Variants in ATMIN observed in about 807,000 individuals in gnomAD.
ATMIN encodes the protein ATM interactor.
In ATMIN, 24 loss-of-function variants were observed where a neutral mutation model predicts 49.2. The observed-to-expected ratio is 0.49, with a 90% CI of 0.35 to 0.69. The LOEUF (loss-of-function observed/expected upper bound fraction) is 0.69, where lower values mean the gene tolerates loss of function less well. ATMIN is among the 30% of genes least tolerant of loss of function. ATMIN has a pLI of 0.00. For missense variants in ATMIN, 1,037 were observed against 1,005.5 expected (o/e 1.03, Z -0.42); for synonymous variants, 450 against 392.5 (o/e 1.15, Z -1.73).
intron 1 of ATMIN, among the ~76,000 whole-genome samples, chr16:81,039,372 G>T (rs1971001707): frequency 6.6e-6 from 1 of 152,012 alleles, no homozygotes; most frequent in Non-Finnish European, 1.5e-5. Context: ...AGTTGCTGTT[G>T]GTTCTTATTT....
Position 81,037,266 on chromosome 16 carries a change from A to G in ATMIN, c.336+1060A>G, listed in dbSNP as rs556691376. On this transcript the variant is annotated intron_variant, in intron 1 of 3. Coordinates refer to ENST00000299575, the MANE Select transcript of ATMIN (RefSeq NM_015251.3). Reference sequence around the variant, plus strand: ...TATGTAGCTTTTGATGATCAGGAGTAAATTTAGAGTACCCAGAATATTGCA... The same window carrying G: ...TATGTAGCTTTTGATGATCAGGAGTGAATTTAGAGTACCCAGAATATTGCA... 6.3e-5 allele frequency: 62 copies of G among 985,490 alleles called. No individual in the cohort carries two copies. The African/African-American group carries it at 1.0e-3, about 16-fold the overall frequency. The allele number at this position is 985,490 out of a possible 1,614,324, so 61.0% of individuals were successfully genotyped here.
Position 81,041,454 on chromosome 16 carries a change from G to T in ATMIN, c.435G>T (p.Pro145=). 1 of 1,608,790 alleles carries T rather than the reference G, an allele frequency of 6.2e-7. No individual in the cohort carries two copies. The highest frequency in any genetic ancestry group is 8.5e-7 in the Non-Finnish European group (1 of 1,178,858). Residue 145 remains proline, a synonymous_variant, in exon 2 of 4, where the codon CCG becomes CCT. Transcript: ENST00000299575. ...IEGCPRGPER[P]FSQFSLVKQH... ...GCTGCCCCAGAGGCCCTGAGAGACCGTTTTCTCAGTTTTCTCTCGTAAAAC... is the reference window on the plus strand; with the variant it reads ...GCTGCCCCAGAGGCCCTGAGAGACCTTTTTCTCAGTTTTCTCTCGTAAAAC...
At chr16:81,037,047 T>G in intron 1 of ATMIN, 1 of 379,404 alleles carries the variant, frequency 2.6e-6, no homozygotes, top group Non-Finnish European at 3.6e-6. Context: ...CTCCACGTTA[T>G]GCAAAACAGG....
chr16:81,044,105 G>A lies in ATMIN; in HGVS notation c.1607G>A (p.Ser536Asn). ...GCTACAGGTAACATTATAAGCAACA[G>A]TTTAGTAGCAGAGACAGTAACTCAT... Reference protein sequence around the residue: ...NVATGNIISNSLVAETVTHSL... With the variant: ...NVATGNIISNNLVAETVTHSL... Residue 536 changes from serine (S) to asparagine (N), a missense_variant, in exon 4 of 4, where the codon AGT becomes AAT. By Grantham distance (46) the Ser-to-Asn change is conservative. Coordinates refer to ENST00000299575, the MANE Select transcript of ATMIN (RefSeq NM_015251.3). The A allele has an allele frequency of 6.2e-7, 1 of 1,614,160 alleles. No homozygotes were observed. The highest frequency in any genetic ancestry group is 1.1e-5 in the South Asian group (1 of 91,086).
intron 2 of ATMIN, chr16:81,041,839 C>T (rs1255668757): frequency 4.7e-6 from 1 of 210,844 alleles, no homozygotes; most frequent in African/African-American, 2.3e-5. Context: ...CCTGCAGAAT[C>T]CAGGAAAAGA....
At chr16:81,036,265 G>A (rs1970929959) in intron 1 of ATMIN, 59 bp downstream of exon 1, 2 of 1,171,538 alleles carry the variant, frequency 1.7e-6, no homozygotes, top group Non-Finnish European at 2.1e-6. Context: ...AAAGCGCCCG[G>A]CGCCGGCGCG....
rs1277629716 is a variant in ATMIN, at chr16:81,035,884, A to AGGAGGC, written c.16_17insAGGCGG (p.Glu5_Ala6insGluAla). 1 of 941,310 alleles carries AGGAGGC rather than the reference A, an allele frequency of 1.1e-6. No individual in the cohort carries two copies. Among genetic ancestry groups the AGGAGGC allele is most frequent in the African/African-American group, 1.8e-5 (1 of 55,338 alleles). The allele number at this position is 941,310 out of a possible 1,614,324, so 58.3% of individuals were successfully genotyped here. Reference sequence around the variant, plus strand: ...CGTGCGGGAGCCATGGCGGCCTCGGAGGCGGCGGCGGCGGCGGGGTCCGCG... The same window carrying AGGAGGC: ...CGTGCGGGAGCCATGGCGGCCTCGGAGGAGGCGGCGGCGGCGGCGGCGGGGTCCGCG... On this transcript the variant is annotated inframe_insertion, in exon 1 of 4. Transcript: ENST00000299575.
Position 81,043,693 on chromosome 16 carries a change from C to G in ATMIN, c.1195C>G (p.Leu399Val). 1.2e-6 allele frequency: 2 copies of G among 1,614,212 alleles called. No individual in the cohort carries two copies. The highest frequency in any genetic ancestry group is 1.7e-6 in the Non-Finnish European group (2 of 1,180,032). The change falls in exon 4 of 4, where the codon CTA becomes GTA. Residue 399 changes from leucine to valine, a missense_variant. By Grantham distance (32) the Leu-to-Val change is conservative (BLOSUM62 1). Coordinates refer to ENST00000299575, the MANE Select transcript of ATMIN (RefSeq NM_015251.3). ...GKSPSNPLQE[L>V]GNTCQKNSIS... The stretch of plus-strand genomic sequence containing the variant: ...AAGTCCATCTAATCCTTTACAAGAA[C>G]TAGGGAACACGTGTCAAAAGAATAG...
intron 1 of ATMIN, 25 bp downstream of exon 1, chr16:81,036,231 C>G (rs111646967): frequency 2.2e-6 from 3 of 1,354,952 alleles, no homozygotes; most frequent in Admixed American, 2.7e-5. Flanking sequence ...GCCGGCGGCC[C>G]GGGGGGCCGG....
At position 81,045,210 on chromosome 16, in the gene ATMIN, C is replaced by G. The variant is rs1356835679; in HGVS notation, c.*240C>G. 13 of 483,878 alleles carry G rather than the reference C, an allele frequency of 2.7e-5. No homozygotes were observed. The highest frequency in any genetic ancestry group is 4.2e-5 in the Non-Finnish European group (12 of 287,854). The allele number at this position is 483,878 out of a possible 1,614,324, so 30.0% of individuals were successfully genotyped here. A position where few individuals can be genotyped will look rare whatever the true frequency, so the allele number is the denominator to read the frequency against. On this transcript the variant is annotated 3_prime_UTR_variant, in exon 4 of 4. Transcript: ENST00000299575. ...TGTGTTGCCTACATTTGCCTTTTCA[C>G]AGCTAGTCTTTTCATGTTAAAAAAA... is the stretch of plus-strand genomic sequence containing the variant.
At position 81,043,337 on chromosome 16, in the gene ATMIN, A is replaced by G; in HGVS notation, c.839A>G (p.Asp280Gly). 6.2e-7 allele frequency: 1 copy of G among 1,613,364 alleles called. No homozygotes were observed. ...GAAGACTCTTGTGGCTCTAACACTGACAAGCAGACTCTTACAACACCACCG... is the reference window on the plus strand; with the variant it reads ...GAAGACTCTTGTGGCTCTAACACTGGCAAGCAGACTCTTACAACACCACCG... ...SFEDSCGSNT[D>G]KQTLTTPPRY... The change falls in exon 4 of 4, where the codon GAC (aspartate) becomes GGC (glycine). Residue 280 changes from aspartate (D) to glycine (G), a missense_variant. By Grantham distance (94) the Asp-to-Gly change is moderately conservative. Transcript: ENST00000299575.
At chr16:81,036,936 G>C (rs1293817278) in intron 1 of ATMIN, among the ~76,000 whole-genome samples, 1 of 152,234 alleles carries the variant, frequency 6.6e-6, no homozygotes, top group Non-Finnish European at 1.5e-5. Context: ...CACGGTGTTG[G>C]TAAGATCAGC....
intron 1 of ATMIN, 129 bp downstream of exon 1, chr16:81,036,335 C>A: frequency 1.1e-6 from 1 of 900,918 alleles, no homozygotes; most frequent in Non-Finnish European, 1.4e-6. Context: ...GCCCCACCGG[C>A]CTCTGCCCTC....
intron 1 of ATMIN, 113 bp from the exon 2 acceptor site, chr16:81,041,241 ACT>A: frequency 8.5e-7 from 1 of 1,170,916 alleles, no homozygotes; most frequent in African/African-American, 1.6e-5. Flanking sequence ...AGATGGAAAA[ACT>A]CTTAATTAAA....
At chr16:81,041,594 C>T (rs1182992750) in intron 2 of ATMIN, 113 bp downstream of exon 2, 2 of 1,361,250 alleles carry the variant, frequency 1.5e-6, no homozygotes, top group African/African-American at 2.9e-5. Context: ...AGGGGAGATG[C>T]CTGCGTGTCT....
intron 1 of ATMIN, among the ~76,000 whole-genome samples, chr16:81,039,500 T>C (rs1971004408): frequency 1.3e-5 from 2 of 152,294 alleles, no homozygotes; most frequent in South Asian, 2.1e-4. Context: ...CTGTAGAGTA[T>C]GTGCCGCCTT....
At position 81,043,249 on chromosome 16, in the gene ATMIN, C is replaced by T. The variant is rs761267856; in HGVS notation, c.751C>T (p.Pro251Ser). 3 of 1,614,000 alleles carry T rather than the reference C, an allele frequency of 1.9e-6. No homozygotes were observed. The highest frequency in any genetic ancestry group is 3.3e-5 in the Admixed American group (2 of 60,000). The change falls in exon 4 of 4, where the codon CCA becomes TCA. Residue 251 changes from proline to serine, a missense_variant. Coordinates refer to ENST00000299575, the MANE Select transcript of ATMIN (RefSeq NM_015251.3). ...GACCATTGAATCATTGAACAACCAA[C>T]CAATCCCTAGACCAGACACTCAAGA... ...NKTIESLNNQPIPRPDTQELE... is the reference protein window; with the variant it reads ...NKTIESLNNQSIPRPDTQELE...
rs1970918490 is a variant in ATMIN at position 81,035,912 on chromosome 16, T to G, written c.42T>G (p.Ala14=). 3.0e-6 allele frequency: 3 copies of G among 985,680 alleles called. No individual in the cohort carries two copies. Among genetic ancestry groups the G allele is most frequent in the Non-Finnish European group, 3.6e-6 (3 of 831,758 alleles). The allele number at this position is 985,680 out of a possible 1,614,324, so 61.1% of individuals were successfully genotyped here. A position where few individuals can be genotyped will look rare whatever the true frequency, so the allele number is the denominator to read the frequency against. The change falls in exon 1 of 4, where the codon GCT becomes GCG. Residue 14 remains alanine (A), a synonymous_variant. Coordinates refer to ENST00000299575, the MANE Select transcript of ATMIN (RefSeq NM_015251.3). ...CGGCGGCGGCGGCGGGGTCCGCGGC[T>G]CTGGCGGCGGGTGCCCGGGCCGTCC... The part of the protein sequence containing the change: ...SEAAAAAGSA[A]LAAGARAVPA...
Position 81,036,088 on chromosome 16 carries a change from T to C in ATMIN, c.218T>C (p.Val73Ala). 1 of 1,351,372 alleles carries C rather than the reference T, an allele frequency of 7.4e-7. No individual in the cohort carries two copies. The highest frequency in any genetic ancestry group is 1.8e-5 in the South Asian group (1 of 54,216). The allele number at this position is 1,351,372 out of a possible 1,614,324, so 83.7% of individuals were successfully genotyped here. The part of the protein sequence containing the change: ...PPAGELIQPS[V>A]SELSRAVRTN... ...GCGGGGGAGCTGATCCAGCCGTCGG[T>C]GAGCGAGCTGTCCCGGGCCGTGCGG... Residue 73 changes from valine (V) to alanine (A), a missense_variant, in exon 1 of 4, where the codon GTG (valine) becomes GCG (alanine). Transcript: ENST00000299575.
Sources: allele counts gnomAD v4.1 joint callset (sites outside exome capture counted in the v4.1 genomes callset), GRCh38; gene constraint gnomAD v4.1.1; transcripts MANE v1.5; gene names NCBI Gene and HGNC (gene_info 2026-07-23, HGNC 2026-07-21).